The following PIN4 variants were observed in gnomAD, a reference collection of about 807,000 sequenced individuals.
PIN4 encodes peptidyl-prolyl cis-trans isomerase NIMA-interacting 4.
PIN4 carries 3 observed loss-of-function variants against 8.3 expected under a neutral mutation model. The ratio of observed to expected loss-of-function variants is 0.36; its 90% CI spans 0.16 to 0.93. The LOEUF is 0.93. Among genes scored for constraint, PIN4 ranks in the 40% least tolerant of loss-of-function variants. PIN4 has a pLI of 0.44. For missense variants in PIN4, 75 were observed against 100.6 expected, an observed-to-expected ratio of 0.75 and a Z score of 1.09; for synonymous variants, 18 against 32.5, an observed-to-expected ratio of 0.55 and a Z score of 1.52.
At chrX:72,205,142 C>A (rs761685830) in intron 3 of PIN4, 15 of 1,211,328 alleles carry the variant, frequency 1.2e-5, no homozygotes, top group Non-Finnish European at 1.7e-5. Flanking sequence ...TCTTTTAGTT[C>A]TTTTCCACGC....
chrX:72,216,159 C>T, intron 3 of PIN4, among the ~76,000 whole-genome samples: 1 of 109,752 alleles, frequency 9.1e-6, no homozygotes, highest in Non-Finnish European at 1.9e-5. Context: ...TAGGCCCTAA[C>T]CTCATATGAC....
intron 3 of PIN4, among the ~76,000 whole-genome samples, chrX:72,260,569 T>C (rs376685187): frequency 3.2e-4 from 36 of 111,999 alleles, no homozygotes; most frequent in African/African-American, 1.2e-3. Flanking sequence ...TCCTCTGAGG[T>C]TGAGAACCAT....
At chrX:72,263,108 TTA>T (rs1569493732) in exon 4 of PIN4, 2 of 176,055 alleles carry the variant, frequency 1.1e-5, no homozygotes, top group South Asian at 3.4e-4. Context: ...AAGATGAGCC[TTA>T]TGCACCTCAC....
intron 3 of PIN4, among the ~76,000 whole-genome samples, chrX:72,258,073 G>T (rs2043120371): frequency 1.8e-5 from 2 of 111,133 alleles, no homozygotes; most frequent in Admixed American, 1.9e-4. Context: ...CAATGGCCAG[G>T]CAGGCCTTCG....
In PIN4 at chrX:72,230,815, A is replaced by C. The variant is rs753750644; in HGVS notation, c.313-31892A>C. ...CCCATCTCTACCAAAAATACAAAAA[A>C]TTAGCCAGGCATGGTGGTGTGCACC... On this transcript the variant is annotated intron_variant, in intron 3 of 3. Coordinates refer to the PIN4 transcript ENST00000423432. Among the ~76,000 whole-genome samples the C allele has an allele frequency of 2.7e-5, 3 of 111,142 alleles. No homozygotes were observed. In the East Asian group the frequency reaches 8.5e-4, roughly 32 times the overall value.
chrX:72,195,193 A>G (rs1481809860), intron 2 of PIN4, among the ~76,000 whole-genome samples: 2 of 111,512 alleles, frequency 1.8e-5, no homozygotes, highest in Non-Finnish European at 3.7e-5. Flanking sequence ...ATCATTTTCA[A>G]GGATAATAGT....
At chrX:72,206,445 A>T in intron 3 of PIN4, 1 of 1,210,827 alleles carries the variant, frequency 8.3e-7, no homozygotes, top group Non-Finnish European at 1.1e-6. Flanking sequence ...CAATGACTAC[A>T]CTTGCCATTT....
chrX:72,232,085 A>C (rs1041129893), intron 3 of PIN4, among the ~76,000 whole-genome samples: 1 of 109,671 alleles, frequency 9.1e-6, no homozygotes, highest in African/African-American at 3.3e-5. Context: ...TCTCTAAAAA[A>C]ACAGAAATAA....
intron 3 of PIN4, among the ~76,000 whole-genome samples, chrX:72,251,817 G>A (rs1265561009): frequency 9.0e-6 from 1 of 110,766 alleles, no homozygotes; most frequent in Non-Finnish European, 1.9e-5. Context: ...ACTTTGGGAG[G>A]CTGAAGTGGG....
chrX:72,233,848 C>G (rs1159172461), intron 3 of PIN4, among the ~76,000 whole-genome samples: 1 of 108,066 alleles, frequency 9.3e-6, no homozygotes, highest in Admixed American at 9.9e-5. Context: ...GGCAAGGGGG[C>G]TCATGCCTGT....
intron 3 of PIN4, among the ~76,000 whole-genome samples, chrX:72,248,693 A>G (rs183180438): frequency 8.9e-6 from 1 of 111,963 alleles, no homozygotes; most frequent in Non-Finnish European, 1.9e-5. Context: ...CCAGGCCAAC[A>G]TAGTGAAACC....
chrX:72,236,385 G>A (rs942197080), intron 3 of PIN4, among the ~76,000 whole-genome samples: 6 of 111,238 alleles, frequency 5.4e-5, no homozygotes, highest in Non-Finnish European at 1.1e-4. Context: ...TGCAACCTCC[G>A]CCTCCTGGGT....
At chrX:72,235,481 C>T (rs1461604056) in intron 3 of PIN4, among the ~76,000 whole-genome samples, 1 of 108,056 alleles carries the variant, frequency 9.3e-6, no homozygotes, top group Non-Finnish European at 1.9e-5. Context: ...CTGCAACCTC[C>T]ACCTCCTGGG....
chrX:72,254,748 G>T, intron 3 of PIN4, among the ~76,000 whole-genome samples: 1 of 112,694 alleles, frequency 8.9e-6, no homozygotes, highest in Non-Finnish European at 1.9e-5. Flanking sequence ...GACCTGCTGA[G>T]CTGCCTTTGA....
At position 72,205,359 on chromosome X, in the gene PIN4, G is replaced by A. The variant is rs148656966; in HGVS notation, c.312+8455G>A. On this transcript the variant is annotated intron_variant, in intron 3 of 3. Transcript: ENST00000423432. The stretch of plus-strand genomic sequence containing the variant: ...CCTCTTCTGTATACTTGGAGGCTTC[G>A]CCACTGCTTTCCTCCACCCCTTCTT... The A allele has an allele frequency of 4.1e-4, 498 of 1,210,259 alleles. 4 individuals are homozygous for A. In the Middle Eastern group the frequency reaches 7.8e-3, roughly 19 times the overall value.
At chrX:72,225,408 C>T (rs2042948469) in intron 3 of PIN4, among the ~76,000 whole-genome samples, 1 of 111,607 alleles carries the variant, frequency 9.0e-6, no homozygotes, top group Admixed American at 9.5e-5. Flanking sequence ...ACATTGTATT[C>T]AACACACCAC....
intron 3 of PIN4, among the ~76,000 whole-genome samples, chrX:72,241,425 G>C (rs893441476): frequency 3.6e-5 from 4 of 111,810 alleles, no homozygotes; most frequent in African/African-American, 1.3e-4. Context: ...GCACCATCTT[G>C]GAAGCAGAGA....
chrX:72,186,258 C>T (rs1183507105), intron 1 of PIN4: 2 of 475,577 alleles, frequency 4.2e-6, no homozygotes, highest in Admixed American at 2.8e-5. Flanking sequence ...TTAGTGTTAG[C>T]GTATTTTGTG....
At chrX:72,255,297 T>TAATAATAATA (rs973419283) in intron 3 of PIN4, among the ~76,000 whole-genome samples, 2 of 105,415 alleles carry the variant, frequency 1.9e-5, no homozygotes, top group African/African-American at 6.9e-5. Context: ...ATAATAATAA[T>TAATAATAATA]AATAATAGTA....
Sources: allele counts gnomAD v4.1 joint callset (sites outside exome capture counted in the v4.1 genomes callset), GRCh38; gene constraint gnomAD v4.1.1; transcripts MANE v1.5; gene names NCBI Gene and HGNC (gene_info 2026-07-23, HGNC 2026-07-21).